MADD: variants seen among roughly 807,000 people sequenced by gnomAD.
MADD encodes MAP kinase activating death domain.
A neutral mutation model predicts 176.7 loss-of-function variants in MADD; 109 were observed. The ratio of observed to expected loss-of-function variants is 0.62; its 90% CI spans 0.53 to 0.72. MADD has a LOEUF of 0.72. Among genes scored for constraint, MADD ranks in the 30% least tolerant of loss-of-function variants. MADD has a pLI of 0.00. For synonymous variants in MADD, 771 were observed against 771.3 expected, an observed-to-expected ratio of 1.00 and a Z score of 0.01; for missense variants, 1,914 against 2,045.5, an observed-to-expected ratio of 0.94 and a Z score of 1.24.
intron 10 of MADD, among the ~76,000 whole-genome samples, chr11:47,283,230 A>T (rs1238382841): frequency 6.6e-6 from 1 of 152,036 alleles, no homozygotes; most frequent in Non-Finnish European, 1.5e-5. Context: ...AGTAGCTGGG[A>T]CTACAGGCGC....
exon 3 of MADD, chr11:47,274,811 G>C (rs751325656): frequency 1.2e-6 from 2 of 1,614,108 alleles, no homozygotes; most frequent in Non-Finnish European, 1.7e-6. Context: ...TTCCAAAAGC[G>C]AATCTCTAAG....
At chr11:47,284,598 T>A in intron 12 of MADD, 33 bp downstream of exon 12, 1 of 1,603,108 alleles carries the variant, frequency 6.2e-7, no homozygotes. Context: ...GTGAGAACCA[T>A]GGCCTGGGAT....
Position 47,293,883 on chromosome 11 carries a change from G to T in MADD, c.3302G>T (p.Gly1101Val), listed in dbSNP as rs765770424. ...GTAACAGAAGTCTTCCCCTACTCAG[G>T]GCCTGAAGTAATCAAACCTGTCTTT... is the stretch of plus-strand genomic sequence containing the variant. Residue 1101 changes from glycine to valine, a missense_variant and splice_region_variant, in exon 20 of 33, where the codon GGG (glycine) becomes GTG (valine). This residue lies in a region of MADD where 1,767 missense variants were observed against 1,836.0 expected (regional missense o/e 0.96). Coordinates refer to ENST00000402192, the Ensembl canonical transcript of MADD. The T allele has an allele frequency of 3.1e-6, 5 of 1,609,640 alleles. No homozygotes were observed. The highest frequency in any genetic ancestry group is 3.4e-6 in the Non-Finnish European group (4 of 1,176,178).
At chr11:47,319,132 AT>A (rs1184555759) in intron 27 of MADD, among the ~76,000 whole-genome samples, 138 of 114,546 alleles carry the variant, frequency 1.2e-3, no homozygotes, top group Middle Eastern at 6.6e-3. Context: ...TATATATATA[AT>A]TTTTTTTTTT....
chr11:47,284,137 C>A, intron 10 of MADD, 41 bp from the exon 11 acceptor site: 3 of 1,358,846 alleles, frequency 2.2e-6, no homozygotes, highest in Non-Finnish European at 3.2e-6. Flanking sequence ...TCTCCCTGCC[C>A]CTTTCTGTTT....
intron 1 of MADD, 125 bp from the exon 2 acceptor site, chr11:47,273,702 G>A (rs1591591174): frequency 1.0e-5 from 5 of 498,404 alleles, no homozygotes; most frequent in Non-Finnish European, 1.8e-5. Context: ...CAAGCGTCAA[G>A]TTCTCCTATC....
chr11:47,282,633 T>A lies in MADD; in HGVS notation c.1705+17T>A. ...TTCACAACAGTGAGTCTACCTGCCC[T>A]CTGCTCCGCTCTGCCTTGTGCCTCT... On this transcript the variant is annotated intron_variant, in intron 9 of 32. Transcript: ENST00000402192. The A allele has an allele frequency of 6.2e-7, 1 of 1,611,604 alleles. No individual in the cohort carries two copies. Among genetic ancestry groups the A allele is most frequent in the African/African-American group, 1.3e-5 (1 of 74,998 alleles).
At chr11:47,290,371 G>A in intron 18 of MADD, 72 bp downstream of exon 19, 2 of 1,558,586 alleles carry the variant, frequency 1.3e-6, no homozygotes, top group Non-Finnish European at 1.7e-6. Flanking sequence ...GAAAATATAT[G>A]TGTACCCAGG....
chr11:47,272,121 C>T (rs762739227), intron 1 of MADD: 3 of 152,088 alleles, frequency 2.0e-5, no homozygotes, highest in African/African-American at 7.2e-5. Context: ...TCTCTAGGTT[C>T]GAGGAGAGTG....
intron 15 of MADD, 120 bp downstream of exon 16, chr11:47,289,147 G>T (rs1340744206): frequency 9.4e-7 from 1 of 1,064,404 alleles, no homozygotes; most frequent in Non-Finnish European, 1.4e-6. Context: ...TGCTTGCCCC[G>T]TCCCCCGTGA....
At chr11:47,277,030 A>G (rs1849673397) in intron 5 of MADD, among the ~76,000 whole-genome samples, 167 bp downstream of exon 5, 1 of 152,148 alleles carries the variant, frequency 6.6e-6, no homozygotes, top group Non-Finnish European at 1.5e-5. Flanking sequence ...GGCTTATGCT[A>G]TTTTAGTTTT....
chr11:47,285,616 A>G, intron 14 of MADD, 26 bp downstream of exon 14: 1 of 1,612,868 alleles, frequency 6.2e-7, no homozygotes, highest in Non-Finnish European at 8.5e-7. Flanking sequence ...TGTCTCTCTC[A>G]CTCCTGTGTT....
chr11:47,323,426 C>T (rs540373033), intron 27 of MADD, among the ~76,000 whole-genome samples: 2 of 151,648 alleles, frequency 1.3e-5, no homozygotes, highest in African/African-American at 4.8e-5. Context: ...TAATAAATAA[C>T]TGATTGATTT....
chr11:47,323,237 CAAAAA>C (rs11341336), intron 27 of MADD, among the ~76,000 whole-genome samples: 1 of 108,952 alleles, frequency 9.2e-6, no homozygotes, highest in African/African-American at 3.5e-5. Context: ...GACTCCATCT[CAAAAA>C]AAAAAAAAAA....
intron 15 of MADD, 132 bp downstream of exon 16, chr11:47,289,159 G>T: frequency 1.1e-6 from 1 of 920,230 alleles, no homozygotes. Context: ...CCCCCGTGAC[G>T]CCCATGCTTG....
chr11:47,314,246 A>G (rs1277167543), intron 26 of MADD, among the ~76,000 whole-genome samples: 2 of 146,926 alleles, frequency 1.4e-5, no homozygotes, highest in South Asian at 2.2e-4. Flanking sequence ...AAAAAAAAAA[A>G]GTGTATGGAG....
chr11:47,284,701 C>T, intron 12 of MADD, 136 bp downstream of exon 12: 1 of 1,288,740 alleles, frequency 7.8e-7, no homozygotes, highest in Non-Finnish European at 1.1e-6. Flanking sequence ...GGCCCTAGAG[C>T]TTAGAGCCTA....
intron 26 of MADD, among the ~76,000 whole-genome samples, chr11:47,314,842 AT>A (rs1447754135): frequency 6.6e-6 from 1 of 152,214 alleles, no homozygotes; most frequent in East Asian, 1.9e-4. Flanking sequence ...ATTTGCAAAA[AT>A]GTGAAACAGT....
At chr11:47,280,270 T>C (rs2055158703) in intron 7 of MADD, among the ~76,000 whole-genome samples, 1 of 152,180 alleles carries the variant, frequency 6.6e-6, no homozygotes. Context: ...CTGCTCTCAT[T>C]TGAAGGGCCT....
Sources: allele counts gnomAD v4.1 joint callset (sites outside exome capture counted in the v4.1 genomes callset), GRCh38; gene constraint gnomAD v4.1.1; regional missense constraint gnomAD v4.1.1; transcripts MANE v1.5; gene names NCBI Gene and HGNC (gene_info 2026-07-23, HGNC 2026-07-21).